The following AP3D1 variants were observed in gnomAD, a reference collection of about 807,000 sequenced individuals.
AP3D1 encodes the protein adaptor related protein complex 3 subunit delta 1.
In AP3D1, 51 loss-of-function variants were observed where a neutral mutation model predicts 147.6. The observed-to-expected ratio is 0.35, with a 90% CI of 0.28 to 0.44. The LOEUF (loss-of-function observed/expected upper bound fraction) is 0.44, where lower values mean the gene tolerates loss of function less well. Ranked by LOEUF, AP3D1 falls within the 20% of genes least tolerant of loss-of-function variation. AP3D1 has a pLI of 1.00. For synonymous variants in AP3D1, 760 were observed against 663.0 expected (o/e 1.15, Z -2.25); for missense variants, 1,421 against 1,624.2 (o/e 0.87, Z 2.15).
chr19:2,108,826 C>G (rs1319530952), intron 30 of AP3D1, 60 bp from the exon 31 acceptor site: 2 of 1,515,746 alleles, frequency 1.3e-6, no homozygotes, highest in Non-Finnish European at 1.8e-6. Flanking sequence ...GCCCCACCCC[C>G]AGAGCAGGGG....
At chr19:2,131,733 C>G (rs112880664) in intron 5 of AP3D1, among the ~76,000 whole-genome samples, 2 of 68,306 alleles carry the variant, frequency 2.9e-5, no homozygotes, top group South Asian at 5.3e-4. Context: ...ACGCGGGGAC[C>G]GCGCCCATCG....
intron 26 of AP3D1, 63 bp from the exon 27 acceptor site, chr19:2,110,959 CCT>C: frequency 6.5e-7 from 1 of 1,549,274 alleles, no homozygotes; most frequent in Non-Finnish European, 8.8e-7. Context: ...GGCACAGCCA[CCT>C]GTCTCTTAAT....
In AP3D1 at chr19:2,101,221, T is replaced by C. The variant is rs2017942673; in HGVS notation, c.*952A>G. The C allele has an allele frequency of 6.6e-6, 1 of 152,342 alleles. No homozygotes were observed. The highest frequency in any genetic ancestry group is 2.4e-5 in the African/African-American group (1 of 41,362). 9.4% of individuals were successfully genotyped at this position (152,342 alleles called of 1,614,324 possible). A position where few individuals can be genotyped will look rare whatever the true frequency, so the allele number is the denominator to read the frequency against. Reference sequence around the variant, plus strand: ...AAATGTCATTATCTCTGAAGAAGGGTCAGTCCTGTGCCCACGCTGGCCGTG... The same window carrying C: ...AAATGTCATTATCTCTGAAGAAGGGCCAGTCCTGTGCCCACGCTGGCCGTG... On this transcript the variant is annotated 3_prime_UTR_variant, in exon 32 of 32. Transcript: ENST00000643116.
At position 2,129,469 on chromosome 19, in the gene AP3D1, G is replaced by A. The variant is rs1221624939; in HGVS notation, c.593-12C>T. The A allele has an allele frequency of 6.2e-7, 1 of 1,612,228 alleles. No homozygotes were observed. ...AGCCGACTGAACCCCTGGGGAACAA[G>A]GGGTTCTCATCAGCATGCCTGTCCT... On this transcript the variant is annotated splice_polypyrimidine_tract_variant and intron_variant, in intron 6 of 31. Transcript: ENST00000643116.
At chr19:2,119,485 A>C (rs1052262389) in intron 14 of AP3D1, among the ~76,000 whole-genome samples, 3 of 152,102 alleles carry the variant, frequency 2.0e-5, no homozygotes, top group Non-Finnish European at 4.4e-5. Flanking sequence ...TGAGGTCAAC[A>C]GATCGAGACC....
At chr19:2,143,438 C>T (rs942849874) in intron 1 of AP3D1, among the ~76,000 whole-genome samples, 5 of 151,598 alleles carry the variant, frequency 3.3e-5, no homozygotes, top group African/African-American at 4.8e-5. Context: ...GACGGGATTT[C>T]GCCGTGTTAG....
chr19:2,104,824 T>C (rs1357613478), intron 31 of AP3D1, among the ~76,000 whole-genome samples: 1 of 151,770 alleles, frequency 6.6e-6, no homozygotes, highest in Non-Finnish European at 1.5e-5. Context: ...ACTGTACTAA[T>C]TTCTTAGTAC....
In AP3D1 at chr19:2,129,610, G is replaced by T. The variant is rs544214100; in HGVS notation, c.593-153C>A. On this transcript the variant is annotated intron_variant, in intron 6 of 31. Transcript: ENST00000643116. The stretch of plus-strand genomic sequence containing the variant: ...CCACCTCCTCCTGGTGACAGGGACA[G>T]CAGCCACAGACCTGATCCTCCAGGG... 3.3e-5 allele frequency among the ~76,000 whole-genome samples: 5 copies of T among 152,344 alleles called. No individual in the cohort carries two copies. The East Asian group carries it at 9.6e-4, about 29-fold the overall frequency.
upstream of AP3D1, among the ~76,000 whole-genome samples, chr19:2,155,456 T>C (rs112078129): frequency 0.076 from 10,039 of 132,224 alleles, 614 homozygotes; most frequent in African/African-American, 0.18. Flanking sequence ...ATCACTTGTA[T>C]CCAGGAGGTG....
chr19:2,138,451 C>T (rs532425135), intron 2 of AP3D1, among the ~76,000 whole-genome samples, 168 bp downstream of exon 2: 2 of 152,218 alleles, frequency 1.3e-5, no homozygotes, highest in Non-Finnish European at 2.9e-5. Context: ...AGCCATGTGA[C>T]CAACATGGCT....
rs529575877 is a variant in AP3D1, at chr19:2,115,681, G to A, written c.2074-68C>T. 7 of 1,515,532 alleles carry A rather than the reference G, an allele frequency of 4.6e-6. No homozygotes were observed. The South Asian group carries it at 4.7e-5, about 10-fold the overall frequency. 93.9% of individuals were successfully genotyped at this position (1,515,532 alleles called of 1,614,324 possible). A position where few individuals can be genotyped will look rare whatever the true frequency, so the allele number is the denominator to read the frequency against. On this transcript the variant is annotated intron_variant, in intron 18 of 31. Transcript: ENST00000643116. ...GACACACGTGCAAGACAAGCCTCGG[G>A]GATGCAGGGAGCGTGACGCAGCCCC... is the stretch of plus-strand genomic sequence containing the variant.
Position 2,121,062 on chromosome 19 carries a change from C to G in AP3D1, c.1281G>C (p.Arg427=). 6.2e-7 allele frequency: 1 copy of G among 1,613,470 alleles called. No homozygotes were observed. The highest frequency in any genetic ancestry group is 8.5e-7 in the Non-Finnish European group (1 of 1,179,962). Residue 427 remains arginine, a synonymous_variant, in exon 14 of 32, where the codon CGG becomes CGC. Transcript: ENST00000643116. ...GGTGGCCGTGCCGTGTGCCCTCCAG[C>G]CGGGTCAGCTCCACCAGGATGCTGA... The part of the protein sequence containing the change: ...WYISILVELT[R]LEGTRHGHLI...
Position 2,151,456 on chromosome 19 carries a change from C to A in AP3D1, c.-122G>T. 1 of 520,710 alleles carries A rather than the reference C, an allele frequency of 1.9e-6. No individual in the cohort carries two copies. Among genetic ancestry groups the A allele is most frequent in the Non-Finnish European group, 2.5e-6 (1 of 398,718 alleles). 32.3% of individuals were successfully genotyped at this position (520,710 alleles called of 1,614,324 possible). On this transcript the variant is annotated 5_prime_UTR_variant, in exon 1 of 32. Transcript: ENST00000643116. ...CCGGCCGCTGCGGCGGGGCAAGCTC[C>A]CAGGCCAGGGCGGCGGCGGGGTCCA...
intron 1 of AP3D1, among the ~76,000 whole-genome samples, chr19:2,147,646 A>G (rs2144564194): frequency 6.6e-6 from 1 of 152,106 alleles, no homozygotes; most frequent in Admixed American, 6.5e-5. Flanking sequence ...CTGTAATCCC[A>G]GCACTTTGGG....
rs755186592 is a variant in AP3D1, at chr19:2,101,798, C to T, written c.*375G>A. 11 of 235,064 alleles carry T rather than the reference C, an allele frequency of 4.7e-5. No individual in the cohort carries two copies. The highest frequency in any genetic ancestry group is 2.2e-4 in the South Asian group (4 of 18,142). The allele number at this position is 235,064 out of a possible 1,614,324, so 14.6% of individuals were successfully genotyped here. A position where few individuals can be genotyped will look rare whatever the true frequency, so the allele number is the denominator to read the frequency against. On this transcript the variant is annotated 3_prime_UTR_variant, in exon 32 of 32. Transcript: ENST00000643116. ...ACCCCAGAGGAGGCCACGTCAGCCC[C>T]GCCCTGTCCACCAAGTGCCCCTCAC... is the stretch of plus-strand genomic sequence containing the variant.
chr19:2,124,539 G>A (rs1403282715), intron 9 of AP3D1, among the ~76,000 whole-genome samples: 1 of 152,188 alleles, frequency 6.6e-6, no homozygotes, highest in Non-Finnish European at 1.5e-5. Flanking sequence ...CCAAGCCAGT[G>A]GCATGGAATG....
At chr19:2,102,935 G>T (rs960152508) in intron 31 of AP3D1, among the ~76,000 whole-genome samples, 3 of 151,772 alleles carry the variant, frequency 2.0e-5, no homozygotes, top group Admixed American at 1.3e-4. Context: ...GGCAACAAGA[G>T]CAAAACTCCA....
intron 4 of AP3D1, among the ~76,000 whole-genome samples, chr19:2,134,393 C>A (rs773971887): frequency 2.0e-5 from 3 of 151,522 alleles, no homozygotes; most frequent in African/African-American, 4.8e-5. Flanking sequence ...TGCTCTCCAG[C>A]CTGGGTGACA....
rs756902730 is a variant in AP3D1 at position 2,121,857 on chromosome 19, T to G, written c.978A>C (p.Ala326=). The stretch of plus-strand genomic sequence containing the variant: ...GGTGGGTCTTCAGGATCTTGGACAT[T>G]GCCAGCAGCCCCAGGTACTTCACTG... The part of the protein sequence containing the change: ...DQNLKYLGLL[A]MSKILKTHPK... Residue 326 remains alanine (A), a synonymous_variant, in exon 12 of 32, where the codon GCA becomes GCC. Transcript: ENST00000643116. 1 of 1,608,266 alleles carries G rather than the reference T, an allele frequency of 6.2e-7. No individual in the cohort carries two copies. The highest frequency in any genetic ancestry group is 8.5e-7 in the Non-Finnish European group (1 of 1,177,920).
Sources: gnomAD v4.1 joint callset for allele counts (sites outside exome capture counted in the v4.1 genomes callset) on GRCh38, gnomAD v4.1.1 for gene constraint, MANE v1.5 for transcripts, NCBI Gene and HGNC (gene_info 2026-07-23, HGNC 2026-07-21) for gene names.